IFT80: variants seen among roughly 807,000 people sequenced by gnomAD.
IFT80 encodes intraflagellar transport protein 80 homolog.
In IFT80, 79 loss-of-function variants were observed where a neutral mutation model predicts 107.9. The observed-to-expected ratio is 0.73, with a 90% CI of 0.61 to 0.88. IFT80 has a LOEUF of 0.88. Ranked by LOEUF, IFT80 falls within the 40% of genes least tolerant of loss-of-function variation. The probability of loss-of-function intolerance (pLI) is 0.00; values close to 1 mark genes in which losing one functional copy is unlikely to be tolerated. For missense variants in IFT80, 797 were observed against 914.2 expected (o/e 0.87, Z 1.65); for synonymous variants, 299 against 300.9 (o/e 0.99, Z 0.07).
At chr3:160,280,600 C>A in intron 15 of IFT80, 67 bp downstream of exon 15, 2 of 1,372,384 alleles carry the variant, frequency 1.5e-6, no homozygotes, top group Non-Finnish European at 2.1e-6. Flanking sequence ...AAAATAGAAG[C>A]CAAAACATGA....
rs752045714 is a variant in IFT80 at position 160,319,973 on chromosome 3, A to T, written c.778-34T>A. The T allele has an allele frequency of 1.9e-6, 3 of 1,579,256 alleles. No homozygotes were observed. The South Asian group carries it at 3.4e-5, about 18-fold the overall frequency. On this transcript the variant is annotated intron_variant, in intron 8 of 19. Transcript: ENST00000326448. ...GAAAAAACAAGAAAAAGATGGACTT[A>T]CTGAAAAAAAATTTTTAGGAAGTTT... is the stretch of plus-strand genomic sequence containing the variant.
chr3:160,369,167 TAAA>T (rs1424286509), intron 5 of IFT80, among the ~76,000 whole-genome samples: 15 of 151,974 alleles, frequency 9.9e-5, no homozygotes, highest in Admixed American at 9.8e-4. Context: ...ACAATAATGT[TAAA>T]GAAACAGGTA....
intron 6 of IFT80, among the ~76,000 whole-genome samples, chr3:160,358,887 G>A (rs576581072): frequency 1.4e-4 from 21 of 152,218 alleles, no homozygotes; most frequent in African/African-American, 4.3e-4. Context: ...ACTATGTTCT[G>A]TTTCATTTTG....
At position 160,257,403 on chromosome 3, in the gene IFT80, T is replaced by C. The variant is rs1219766619; in HGVS notation, c.*1122A>G. On this transcript the variant is annotated 3_prime_UTR_variant, in exon 20 of 20. Transcript: ENST00000326448. ...GGTTTGCAGAAGACTTTCTAAGGGG[T>C]ATTTGTTTTATTGTTTAAAAGATTA... 2.0e-5 allele frequency: 3 copies of C among 152,006 alleles called. No homozygotes were observed. Among genetic ancestry groups the C allele is most frequent in the Non-Finnish European group, 4.4e-5 (3 of 68,020 alleles). 9.4% of individuals were successfully genotyped at this position (152,006 alleles called of 1,614,324 possible). A position where few individuals can be genotyped will look rare whatever the true frequency, so the allele number is the denominator to read the frequency against.
intron 1 of IFT80, among the ~76,000 whole-genome samples, chr3:160,386,121 G>C (rs1238030658): frequency 6.6e-6 from 1 of 152,104 alleles, no homozygotes; most frequent in Admixed American, 6.5e-5. Flanking sequence ...TACAAGAAAG[G>C]AATCACTAAC....
intron 8 of IFT80, among the ~76,000 whole-genome samples, chr3:160,328,831 C>A (rs1718876918): frequency 6.6e-6 from 1 of 152,064 alleles, no homozygotes; most frequent in Non-Finnish European, 1.5e-5. Flanking sequence ...TCATGTCCTT[C>A]TCAGGGACAT....
chr3:160,367,931 G>A (rs752566788), intron 5 of IFT80, among the ~76,000 whole-genome samples: 1 of 151,872 alleles, frequency 6.6e-6, no homozygotes, highest in Non-Finnish European at 1.5e-5. Flanking sequence ...TAGTCATTAG[G>A]CAGGTGAATC....
chr3:160,375,057 G>C (rs1711894427), intron 5 of IFT80, among the ~76,000 whole-genome samples: 1 of 152,134 alleles, frequency 6.6e-6, no homozygotes, highest in South Asian at 2.1e-4. Context: ...ATTTTTGGAA[G>C]TCAGTTATCG....
chr3:160,308,540 G>A (rs943215227), intron 9 of IFT80, among the ~76,000 whole-genome samples: 2 of 152,016 alleles, frequency 1.3e-5, no homozygotes, highest in Non-Finnish European at 2.9e-5. Context: ...TAAAAGAATG[G>A]GAATGGCAGT....
At chr3:160,383,975 T>G in intron 2 of IFT80, 1 of 984,618 alleles carries the variant, frequency 1.0e-6, no homozygotes, top group East Asian at 1.1e-4. Context: ...CCAGGCGCGG[T>G]GGCTCATGCC....
At chr3:160,381,745 CAT>C (rs1192806602) in intron 2 of IFT80, 21 bp from the exon 3 acceptor site, 1 of 1,577,850 alleles carries the variant, frequency 6.3e-7, no homozygotes, top group South Asian at 1.1e-5. Flanking sequence ...GTTAAAGAGA[CAT>C]AAAACATACA....
chr3:160,276,487 G>T (rs920187847), intron 18 of IFT80, among the ~76,000 whole-genome samples: 6 of 152,144 alleles, frequency 3.9e-5, no homozygotes, highest in Non-Finnish European at 7.4e-5. Context: ...CAAAGATCAT[G>T]AAAGACACTT....
At chr3:160,325,720 T>G (rs936227243) in intron 8 of IFT80, among the ~76,000 whole-genome samples, 3 of 152,152 alleles carry the variant, frequency 2.0e-5, no homozygotes, top group African/African-American at 7.2e-5. Context: ...CATTTATGTT[T>G]CATATATATG....
At chr3:160,312,764 G>A (rs867626171) in intron 9 of IFT80, among the ~76,000 whole-genome samples, 7 of 27,054 alleles carry the variant, frequency 2.6e-4, no homozygotes, top group African/African-American at 5.0e-4. Flanking sequence ...ATATATAAAT[G>A]TATATTATAT....
chr3:160,259,657 C>A (rs1173031817), intron 19 of IFT80, among the ~76,000 whole-genome samples: 1 of 152,204 alleles, frequency 6.6e-6, no homozygotes. Flanking sequence ...AGTCTCCCCT[C>A]CCCTAGCCCA....
intron 5 of IFT80, among the ~76,000 whole-genome samples, chr3:160,369,097 T>C (rs527774114): frequency 3.9e-5 from 6 of 151,992 alleles, no homozygotes; most frequent in Non-Finnish European, 8.8e-5. Context: ...TTCATAGTAT[T>C]TATCTTCCCT....
chr3:160,324,107 C>T (rs1447650065), intron 8 of IFT80, among the ~76,000 whole-genome samples: 2 of 152,064 alleles, frequency 1.3e-5, no homozygotes, highest in African/African-American at 2.4e-5. Context: ...AATAGACCAG[C>T]AACAGGATCT....
At chr3:160,260,647 A>G (rs570028752) in intron 19 of IFT80, among the ~76,000 whole-genome samples, 2 of 152,294 alleles carry the variant, frequency 1.3e-5, no homozygotes, top group East Asian at 3.9e-4. Flanking sequence ...TAGTTCGTGG[A>G]TTAGAATATT....
chr3:160,277,264 G>A (rs765207288), intron 18 of IFT80, 42 bp downstream of exon 18: 28 of 1,556,392 alleles, frequency 1.8e-5, no homozygotes, highest in Non-Finnish European at 2.4e-5. Context: ...AATACATTAA[G>A]GTCAAACAGA....
Sources: gnomAD v4.1 joint callset for allele counts (sites outside exome capture counted in the v4.1 genomes callset) on GRCh38, gnomAD v4.1.1 for gene constraint, MANE v1.5 for transcripts, NCBI Gene and HGNC (gene_info 2026-07-23, HGNC 2026-07-21) for gene names.